The following PCDHA1 variants were observed in gnomAD, a reference collection of about 807,000 sequenced individuals.
PCDHA1 encodes protocadherin alpha-1.
A neutral mutation model predicts 61.3 loss-of-function variants in PCDHA1; 42 were observed. The ratio of observed to expected loss-of-function variants is 0.69; its 90% CI spans 0.54 to 0.89. PCDHA1 has a LOEUF of 0.89. PCDHA1 is among the 40% of genes least tolerant of loss of function. The probability of loss-of-function intolerance (pLI) is 0.00; values close to 1 mark genes in which losing one functional copy is unlikely to be tolerated. For missense variants in PCDHA1, 1,256 were observed against 1,235.3 expected (o/e 1.02, Z -0.25); for synonymous variants, 610 against 553.8 (o/e 1.10, Z -1.43).
At chr5:140,960,922 G>C (rs562658138) in intron 1 of PCDHA1, among the ~76,000 whole-genome samples, 1 of 152,272 alleles carries the variant, frequency 6.6e-6, no homozygotes, top group East Asian at 1.9e-4. Flanking sequence ...ATAGAAAATT[G>C]GTACTAAGTT....
At chr5:140,815,322 T>C (rs2126663063) in intron 1 of PCDHA1, 6 of 152,124 alleles carry the variant, frequency 3.9e-5, no homozygotes, top group African/African-American at 1.4e-4. Flanking sequence ...ATGCTATGTT[T>C]TTGTTCCTTT....
chr5:140,828,648 G>A, intron 1 of PCDHA1: 1 of 1,614,192 alleles, frequency 6.2e-7, no homozygotes, highest in Non-Finnish European at 8.5e-7. Context: ...AAAATAAACA[G>A]TGATGACAAT....
At chr5:140,864,459 C>CT (rs1474178285) in intron 1 of PCDHA1, 1 of 152,180 alleles carries the variant, frequency 6.6e-6, no homozygotes, top group Non-Finnish European at 1.5e-5. Context: ...CAATATCCAT[C>CT]TTTTTTGAGA....
intron 1 of PCDHA1, among the ~76,000 whole-genome samples, chr5:140,820,456 T>A (rs1421227937): frequency 3.3e-5 from 5 of 152,058 alleles, no homozygotes; most frequent in African/African-American, 9.6e-5. Flanking sequence ...GTCCCTCTTG[T>A]CTTCACAGGT....
At chr5:140,963,068 G>C (rs1472395054) in intron 1 of PCDHA1, among the ~76,000 whole-genome samples, 3 of 152,064 alleles carry the variant, frequency 2.0e-5, no homozygotes, top group African/African-American at 7.2e-5. Context: ...CATTGTGAAG[G>C]AGACAGAAAT....
At chr5:140,834,495 G>A in intron 1 of PCDHA1, 1 of 1,614,142 alleles carries the variant, frequency 6.2e-7, no homozygotes, top group Non-Finnish European at 8.5e-7. Context: ...GGTCCCCGAG[G>A]AGGCTAAACA....
chr5:140,870,572 C>T (rs782477275), intron 1 of PCDHA1: 1 of 1,613,946 alleles, frequency 6.2e-7, no homozygotes, highest in Non-Finnish European at 8.5e-7. Context: ...GCGCTGGTGT[C>T]CTACTCGCTG....
intron 3 of PCDHA1, among the ~76,000 whole-genome samples, chr5:140,994,729 A>G (rs1382639837): frequency 6.6e-6 from 1 of 152,180 alleles, no homozygotes; most frequent in Non-Finnish European, 1.5e-5. Flanking sequence ...AATACTGGGT[A>G]TTGCAGGATG....
chr5:140,892,413 T>C (rs1554185182), intron 1 of PCDHA1, among the ~76,000 whole-genome samples: 1 of 152,222 alleles, frequency 6.6e-6, no homozygotes, highest in Non-Finnish European at 1.5e-5. Context: ...CTTCAGGTAT[T>C]CTAGATAAAA....
chr5:140,810,450 T>C (rs924328427), intron 1 of PCDHA1: 1 of 152,254 alleles, frequency 6.6e-6, no homozygotes, highest in African/African-American at 2.4e-5. Context: ...ACATTCCTAG[T>C]AGTGCATAAG....
intron 1 of PCDHA1, chr5:140,815,532 T>TACGTTA (rs1554126821): frequency 9.3e-5 from 14 of 151,194 alleles, no homozygotes; most frequent in Non-Finnish European, 1.9e-4. Context: ...ATATTGTGTA[T>TACGTTA]ACATTATTTT....
At chr5:140,875,182 A>T in intron 1 of PCDHA1, 1 of 450,902 alleles carries the variant, frequency 2.2e-6, no homozygotes. Context: ...CATTAGAATT[A>T]AGAGTGACCC....
chr5:140,851,692 A>T, intron 1 of PCDHA1: 1 of 939,600 alleles, frequency 1.1e-6, no homozygotes, highest in Non-Finnish European at 1.3e-6. Flanking sequence ...TCAGTGATAA[A>T]ATGATCAGCC....
chr5:140,835,233 G>A (rs2150232386), intron 1 of PCDHA1: 2 of 1,597,634 alleles, frequency 1.3e-6, no homozygotes, highest in Non-Finnish European at 1.7e-6. Context: ...CTTCTCCAGT[G>A]ATGTTTCTCC....
intron 1 of PCDHA1, chr5:140,863,004 G>A (rs1236967953): frequency 1.8e-6 from 1 of 551,012 alleles, no homozygotes; most frequent in African/African-American, 1.9e-5. Flanking sequence ...GTGGACTCCA[G>A]CTATGACGCC....
chr5:140,882,094 C>G, intron 1 of PCDHA1: 1 of 1,172,684 alleles, frequency 8.5e-7, no homozygotes. Flanking sequence ...TCACTGAGAA[C>G]GTTTCCGCGA....
chr5:140,998,547 A>C (rs1173862918), intron 3 of PCDHA1, among the ~76,000 whole-genome samples: 4 of 150,288 alleles, frequency 2.7e-5, no homozygotes, highest in African/African-American at 9.8e-5. Flanking sequence ...TCCTAATTTA[A>C]TGTCTAATTT....
Position 140,858,037 on chromosome 5 carries a change from T to G in PCDHA1, c.2394+69353T>G, listed in dbSNP as rs782428899. On this transcript the variant is annotated intron_variant, in intron 1 of 3. Coordinates refer to ENST00000504120, the MANE Select transcript of PCDHA1 (RefSeq NM_018900.4). The stretch of plus-strand genomic sequence containing the variant: ...AGCCGTCGCTGACGGCCACGGCCAC[T>G]GTGCTTGTGTCGCTTGTGGAGGGCA... 6 of 1,596,390 alleles carry G rather than the reference T, an allele frequency of 3.8e-6. 1 individual carries two copies. The highest frequency in any genetic ancestry group is 5.1e-6 in the Non-Finnish European group (6 of 1,167,344).
intron 1 of PCDHA1, chr5:140,929,180 G>C (rs782260576): frequency 2.7e-5 from 44 of 1,614,150 alleles, no homozygotes; most frequent in Non-Finnish European, 3.7e-5. Flanking sequence ...CTGGGACTTG[G>C]TTCTGATAAT....
Sources: allele counts gnomAD v4.1 joint callset (sites outside exome capture counted in the v4.1 genomes callset), GRCh38; gene constraint gnomAD v4.1.1; transcripts MANE v1.5; gene names NCBI Gene and HGNC (gene_info 2026-07-23, HGNC 2026-07-21).